Variants in TMEM106B observed in about 807,000 individuals in gnomAD.
The protein encoded by TMEM106B is transmembrane protein 106B.
Under a neutral mutation model 31.1 loss-of-function variants are expected in TMEM106B, and 15 were observed. That is an observed-to-expected ratio of 0.48 (90% CI 0.32 to 0.74). The LOEUF (loss-of-function observed/expected upper bound fraction) is 0.74, where lower values mean the gene tolerates loss of function less well. Ranked by LOEUF, TMEM106B falls within the 30% of genes least tolerant of loss-of-function variation. The probability of loss-of-function intolerance (pLI) is 0.03; values close to 1 mark genes in which losing one functional copy is unlikely to be tolerated. For synonymous variants in TMEM106B, 126 were observed against 112.5 expected (o/e 1.12, Z -0.76); for missense variants, 283 against 327.3 (o/e 0.86, Z 1.04).
At chr7:12,221,640 C>T (rs1222880971) in intron 3 of TMEM106B, among the ~76,000 whole-genome samples, 1 of 152,182 alleles carries the variant, frequency 6.6e-6, no homozygotes, top group Non-Finnish European at 1.5e-5. Flanking sequence ...TATGATTGCA[C>T]CAGCAAGCCC....
Position 12,235,769 on chromosome 7 carries a change from A to T in TMEM106B, c.*3794A>T, listed in dbSNP as rs967635865. On this transcript the variant is annotated 3_prime_UTR_variant, in exon 8 of 8. Coordinates refer to ENST00000396668, the MANE Select transcript of TMEM106B (RefSeq NM_001134232.2). ...TTGTTAGGTACTTTTTAAAAGATGTAAATTTTTAAATTTACAAATACATAT... is the reference window on the plus strand; with the variant it reads ...TTGTTAGGTACTTTTTAAAAGATGTTAATTTTTAAATTTACAAATACATAT... The T allele has an allele frequency of 2.0e-5, 3 of 151,822 alleles. No individual in the cohort carries two copies. The highest frequency in any genetic ancestry group is 4.4e-5 in the Non-Finnish European group (3 of 67,820). 9.4% of individuals were successfully genotyped at this position (151,822 alleles called of 1,614,324 possible).
intron 1 of TMEM106B, among the ~76,000 whole-genome samples, chr7:12,213,914 G>T (rs778824318): frequency 1.3e-5 from 2 of 152,152 alleles, no homozygotes. Context: ...ATGAAAAGGT[G>T]GGTGGAGGGG....
At chr7:12,212,976 CTTTAT>C (rs1037523639) in intron 1 of TMEM106B, among the ~76,000 whole-genome samples, 2 of 152,032 alleles carry the variant, frequency 1.3e-5, no homozygotes, top group Non-Finnish European at 2.9e-5. Context: ...TACTTTTTCA[CTTTAT>C]TTTTTCTCAG....
chr7:12,218,609 C>A, intron 3 of TMEM106B, 88 bp downstream of exon 3: 3 of 1,065,336 alleles, frequency 2.8e-6, no homozygotes, highest in South Asian at 1.6e-5. Flanking sequence ...CTAGTTAAAA[C>A]TATTAAAAGA....
Position 12,214,821 on chromosome 7 carries a change from CTCTT to C in TMEM106B, c.15_18del (p.Ser6IlefsTer20). On this transcript the variant is annotated frameshift_variant, in exon 2 of 8. Coordinates refer to ENST00000396668, the MANE Select transcript of TMEM106B (RefSeq NM_001134232.2). LOFTEE classifies it high-confidence loss of function. ...TATTTTTCTTTAGACATGGGAAAGT[CTCTT>C]TCTCATTTGCCTTTGCATTCAAGCA... is the stretch of plus-strand genomic sequence containing the variant. 1 of 1,609,936 alleles carries C rather than the reference CTCTT, an allele frequency of 6.2e-7. No individual in the cohort carries two copies. The highest frequency in any genetic ancestry group is 8.5e-7 in the Non-Finnish European group (1 of 1,178,336).
intron 4 of TMEM106B, among the ~76,000 whole-genome samples, chr7:12,226,609 G>A (rs1781906422): frequency 6.6e-6 from 1 of 152,024 alleles, no homozygotes; most frequent in Admixed American, 6.6e-5. Flanking sequence ...GATGTCTGTG[G>A]TGGTGGTTGG....
rs191036375 is a variant in TMEM106B at position 12,224,175 on chromosome 7, T to A, written c.282-51T>A. 2,852 of 1,536,262 alleles carry A rather than the reference T, an allele frequency of 1.9e-3. 6 individuals are homozygous for A. The highest frequency in any genetic ancestry group is 2.4e-3 in the Non-Finnish European group (2,702 of 1,115,582). On this transcript the variant is annotated intron_variant, in intron 3 of 7. Transcript: ENST00000396668. ...TGAACATACCTTCTCTAATGTTGTG[T>A]TATATAATTTCTGATGCACATGTAC... is the stretch of plus-strand genomic sequence containing the variant.
At chr7:12,224,870 GTTTT>G (rs1174169969) in intron 4 of TMEM106B, among the ~76,000 whole-genome samples, 1 of 142,228 alleles carries the variant, frequency 7.0e-6, no homozygotes, top group Non-Finnish European at 1.5e-5. Flanking sequence ...AAAATGCCGT[GTTTT>G]TTTTTTTTTA....
intron 3 of TMEM106B, among the ~76,000 whole-genome samples, chr7:12,223,940 C>T (rs1420146792): frequency 1.3e-5 from 2 of 151,834 alleles, no homozygotes; most frequent in South Asian, 2.1e-4. Context: ...AGGCTGGTCT[C>T]GAACTCCTGA....
chr7:12,231,803 A>G lies in TMEM106B; in HGVS notation c.687-34A>G, dbSNP rs753970373. On this transcript the variant is annotated intron_variant, in intron 7 of 7. Transcript: ENST00000396668. ...CTATGGAAAAACTTCTAATATAACT[A>G]TTAAATGTCTCTCCTCACTTACATT... is the stretch of plus-strand genomic sequence containing the variant. The G allele has an allele frequency of 6.4e-6, 10 of 1,551,176 alleles. No individual in the cohort carries two copies. The Admixed American group carries it at 1.4e-4, about 22-fold the overall frequency.
At chr7:12,226,090 T>C (rs1178290390) in intron 4 of TMEM106B, among the ~76,000 whole-genome samples, 1 of 152,066 alleles carries the variant, frequency 6.6e-6, no homozygotes. Context: ...TTTCTACTTA[T>C]GACAAGCCAG....
chr7:12,222,403 T>C (rs1346841008), intron 3 of TMEM106B, among the ~76,000 whole-genome samples: 3 of 152,342 alleles, frequency 2.0e-5, no homozygotes, highest in African/African-American at 7.2e-5. Flanking sequence ...ATGTTCGTTA[T>C]GGCTACAAAC....
chr7:12,230,208 C>A (rs1331313749), intron 5 of TMEM106B, 181 bp from the exon 6 acceptor site: 2 of 640,862 alleles, frequency 3.1e-6, no homozygotes, highest in Admixed American at 5.2e-5. Flanking sequence ...ACAGTGAGAT[C>A]CTGTCTCAAA....
intron 4 of TMEM106B, among the ~76,000 whole-genome samples, chr7:12,226,192 T>C (rs978425377): frequency 6.6e-6 from 1 of 152,126 alleles, no homozygotes; most frequent in Non-Finnish European, 1.5e-5. Flanking sequence ...AGATGTGTGG[T>C]ATTATTTCTG....
chr7:12,219,803 G>C (rs572115874), intron 3 of TMEM106B, among the ~76,000 whole-genome samples: 33 of 152,242 alleles, frequency 2.2e-4, no homozygotes, highest in African/African-American at 7.5e-4. Flanking sequence ...TTGTGTAAAG[G>C]ATTTGAGAGA....
In TMEM106B at chr7:12,236,726, C is replaced by T. The variant is rs540315658; in HGVS notation, c.*4751C>T. 1 of 151,988 alleles carries T rather than the reference C, an allele frequency of 6.6e-6. No homozygotes were observed. The highest frequency in any genetic ancestry group is 2.4e-5 in the African/African-American group (1 of 41,506). The allele number at this position is 151,988 out of a possible 1,614,324, so 9.4% of individuals were successfully genotyped here. ...AATTCCAAGTGCTGATAGTACTATT[C>T]ATCTTTTTTATTATTGTGTCAGATG... On this transcript the variant is annotated 3_prime_UTR_variant, in exon 8 of 8. Coordinates refer to ENST00000396668, the MANE Select transcript of TMEM106B (RefSeq NM_001134232.2).
rs372931919 is a variant in TMEM106B, at chr7:12,214,960, T to C, written c.150T>C (p.Tyr50=). ...GRNGDVSQFP[Y]VEFTGRDSVT... is the part of the protein sequence containing the mutation. ...ATGGAGATGTCTCTCAGTTTCCATA[T>C]GTGGAATTTACAGGAAGAGATAGTG... The change falls in exon 2 of 8, where the codon TAT becomes TAC. Residue 50 remains tyrosine, a synonymous_variant. Coordinates refer to ENST00000396668, the MANE Select transcript of TMEM106B (RefSeq NM_001134232.2). 1.3e-5 allele frequency: 21 copies of C among 1,613,946 alleles called. No homozygotes were observed. The highest frequency in any genetic ancestry group is 1.7e-5 in the Admixed American group (1 of 60,002).
Position 12,232,260 on chromosome 7 carries a change from AAAT to A in TMEM106B, c.*289_*291del, listed in dbSNP as rs1782041078. On this transcript the variant is annotated 3_prime_UTR_variant, in exon 8 of 8. Transcript: ENST00000396668. The stretch of plus-strand genomic sequence containing the variant: ...GCTGATACTTCCCCTATAGTACAAT[AAAT>A]AATTATTTAAAAGTCATAGCTCCAG... 1 of 200,828 alleles carries A rather than the reference AAAT, an allele frequency of 5.0e-6. No homozygotes were observed. The highest frequency in any genetic ancestry group is 1.0e-5 in the Non-Finnish European group (1 of 99,944). The allele number at this position is 200,828 out of a possible 1,614,324, so 12.4% of individuals were successfully genotyped here. A position where few individuals can be genotyped will look rare whatever the true frequency, so the allele number is the denominator to read the frequency against.
intron 6 of TMEM106B, 127 bp downstream of exon 6, chr7:12,230,565 C>T (rs1292901854): frequency 6.8e-6 from 4 of 590,858 alleles, no homozygotes; most frequent in Admixed American, 3.5e-5. Context: ...AGTATTCTGG[C>T]TTCTGGTCCT....
Sources: allele counts gnomAD v4.1 joint callset (sites outside exome capture counted in the v4.1 genomes callset), GRCh38; gene constraint gnomAD v4.1.1; transcripts MANE v1.5; gene names NCBI Gene and HGNC (gene_info 2026-07-23, HGNC 2026-07-21).